LRRC61: variants seen among roughly 807,000 people sequenced by gnomAD.
The protein encoded by LRRC61 is leucine rich repeat containing 61.
In LRRC61, 9 loss-of-function variants were observed where a neutral mutation model predicts 15.1. The ratio of observed to expected loss-of-function variants is 0.60; its 90% CI spans 0.36 to 1.04. The LOEUF (loss-of-function observed/expected upper bound fraction) is 1.04. LRRC61 is among the 50% of genes least tolerant of loss of function. The probability of loss-of-function intolerance (pLI) is 0.01; values close to 1 mark genes in which losing one functional copy is unlikely to be tolerated. For missense variants in LRRC61, 344 were observed against 335.6 expected (o/e 1.03, Z -0.20); for synonymous variants, 173 against 158.6 (o/e 1.09, Z -0.68).
At chr7:150,319,204 TC>T (rs1284764074), upstream of LRRC61, among the ~76,000 whole-genome samples, 1 of 142,394 alleles carries the variant, frequency 7.0e-6, no homozygotes, top group Admixed American at 6.8e-5. Context: ...AATTGCTTCT[TC>T]TTTTTTTTTT....
chr7:150,328,458 A>G lies in LRRC61; in HGVS notation c.-145+2448A>G, dbSNP rs78965288. On this transcript the variant is annotated intron_variant, in intron 2 of 2. Coordinates refer to ENST00000359623, the MANE Select transcript of LRRC61 (RefSeq NM_001142928.2). ...AAACTAGGCCACCTAGCAGTCACCA[A>G]CTGCTACAAAGTCCAGACAGATACA... 5.1e-3 allele frequency among the ~76,000 whole-genome samples: 770 copies of G among 152,336 alleles called. 8 individuals are homozygous for G. The highest frequency in any genetic ancestry group is 0.018 in the African/African-American group (732 of 41,576).
chr7:150,334,461 C>T (rs946319469), intron 2 of LRRC61, among the ~76,000 whole-genome samples: 6 of 5,044 alleles, frequency 1.2e-3, no homozygotes, highest in Admixed American at 5.7e-3. Context: ...CCTGAAATAG[C>T]GGGTGGGTGG....
At chr7:150,323,241 G>C (rs1465300176), upstream of LRRC61, 2 of 240,280 alleles carry the variant, frequency 8.3e-6, no homozygotes, top group African/African-American at 4.8e-5. Flanking sequence ...CTGCGAGGCG[G>C]GGGGTGCGCG....
rs3800781 is a variant in LRRC61 at position 150,330,235 on chromosome 7, T to A, written c.-145+4225T>A. 154,886 of 608,892 alleles carry A rather than the reference T, an allele frequency of 0.25. 20,293 individuals carry two copies. Among genetic ancestry groups the A allele is most frequent in the East Asian group, 0.35 (12,669 of 36,304 alleles). The allele number at this position is 608,892 out of a possible 1,614,324, so 37.7% of individuals were successfully genotyped here. A position where few individuals can be genotyped will look rare whatever the true frequency, so the allele number is the denominator to read the frequency against. On this transcript the variant is annotated intron_variant, in intron 2 of 2. Transcript: ENST00000359623. This position sits in a 1 kb window ranked among gnomAD's most constrained non-coding sequence, Gnocchi z 4.6. ...CTAGCCCACCAGCCCTTTGAGGAGC[T>A]CTTGGACCACTGGGTCTCGGCCTAC...
At position 150,330,779 on chromosome 7, in the gene LRRC61, C is replaced by T; in HGVS notation, c.-145+4769C>T. On this transcript the variant is annotated intron_variant, in intron 2 of 2. Coordinates refer to ENST00000359623, the MANE Select transcript of LRRC61 (RefSeq NM_001142928.2). The surrounding 1 kb of genome is among the most constrained non-coding windows in gnomAD (Gnocchi z 4.6). ...TGAACTCCCCAAGTCCCCTGCAAAG[C>T]CCCAGGGGTCTGTGCGTGGACCCCA... 1 of 1,613,682 alleles carries T rather than the reference C, an allele frequency of 6.2e-7. No individual in the cohort carries two copies.
At chr7:150,334,141 T>C (rs1460636026) in intron 2 of LRRC61, 2 of 983,124 alleles carry the variant, frequency 2.0e-6, no homozygotes, top group East Asian at 1.1e-4. Context: ...CTTTGCTCTC[T>C]CCCTTTGCTG....
rs1451927367 is a variant in LRRC61, at chr7:150,333,671, G to C, written c.-144-3047G>C. ...ATCCTTGTCACCAGTCCTCTTTCCA[G>C]ACTCTGTTGCTGGGCCAGGAGGTCT... On this transcript the variant is annotated intron_variant, in intron 2 of 2. Transcript: ENST00000359623. The surrounding 1 kb of genome is among the most constrained non-coding windows in gnomAD (Gnocchi z 4.3). Among the ~76,000 whole-genome samples, 1 of 152,218 alleles carries C rather than the reference G, an allele frequency of 6.6e-6. No homozygotes were observed. Among genetic ancestry groups the C allele is most frequent in the Non-Finnish European group, 1.5e-5 (1 of 68,042 alleles).
At chr7:150,336,482 C>T (rs2129618462) in intron 2 of LRRC61, among the ~76,000 whole-genome samples, 1 of 152,348 alleles carries the variant, frequency 6.6e-6, no homozygotes, top group East Asian at 1.9e-4. Context: ...GGGCCTGAAT[C>T]CATCCAGCAT....
At position 150,336,906 on chromosome 7, in the gene LRRC61, G is replaced by C; in HGVS notation, c.45G>C (p.Gln15His). ...AGCCGGGAGAGGCTGGCGGACTGCA[G>C]ATCACACCCCAGCTGCTGAAGTCAC... is the stretch of plus-strand genomic sequence containing the variant. ...AEKPGEAGGLQITPQLLKSRT... is the reference protein window; with the variant it reads ...AEKPGEAGGLHITPQLLKSRT... The change falls in exon 3 of 3, where the codon CAG becomes CAC. Residue 15 changes from glutamine to histidine, a missense_variant. By Grantham distance (24) the Gln-to-His change is conservative (BLOSUM62 0). Transcript: ENST00000359623. The C allele has an allele frequency of 1.2e-6, 2 of 1,612,526 alleles. No homozygotes were observed. The highest frequency in any genetic ancestry group is 3.3e-5 in the Admixed American group (2 of 59,982).
chr7:150,310,276 C>T, the LRRC61 span, among the ~76,000 whole-genome samples: 3 of 152,148 alleles, frequency 2.0e-5, no homozygotes, highest in Non-Finnish European at 4.4e-5. Context: ...TCTCTGGCAA[C>T]CGACCATGCA....
In LRRC61 at chr7:150,338,000, A is replaced by G. The variant is rs1438062770; in HGVS notation, c.*359A>G. 9 of 412,160 alleles carry G rather than the reference A, an allele frequency of 2.2e-5. No homozygotes were observed. The highest frequency in any genetic ancestry group is 3.3e-5 in the Non-Finnish European group (7 of 214,936). 25.5% of individuals were successfully genotyped at this position (412,160 alleles called of 1,614,324 possible). A position where few individuals can be genotyped will look rare whatever the true frequency, so the allele number is the denominator to read the frequency against. On this transcript the variant is annotated 3_prime_UTR_variant, in exon 3 of 3. Coordinates refer to ENST00000359623, the MANE Select transcript of LRRC61 (RefSeq NM_001142928.2). ...CCCGTCTCAGCTGTTGGGAGACAGT[A>G]GGCAGGCTGAGTGGCCCAGAGCACT...
chr7:150,311,437 A>T, the LRRC61 span, among the ~76,000 whole-genome samples: 2 of 152,178 alleles, frequency 1.3e-5, no homozygotes, highest in Non-Finnish European at 2.9e-5. Flanking sequence ...CTTACCCTCT[A>T]CAGTTCTCAC....
chr7:150,310,146 G>A, the LRRC61 span, among the ~76,000 whole-genome samples: 3 of 152,050 alleles, frequency 2.0e-5, no homozygotes, highest in African/African-American at 7.2e-5. Context: ...TGCTTCCCTG[G>A]TTATTCCTGG....
rs1205272102 is a variant in LRRC61, at chr7:150,333,941, C to T, written c.-144-2777C>T. ...CAAGAGAATGAGGGTTATGCACGAC[C>T]CATCACCAAGACCCAGGCCTGCATC... On this transcript the variant is annotated intron_variant, in intron 2 of 2. Coordinates refer to ENST00000359623, the MANE Select transcript of LRRC61 (RefSeq NM_001142928.2). This position sits in a 1 kb window ranked among gnomAD's most constrained non-coding sequence, Gnocchi z 4.3. 1.0e-6 allele frequency: 1 copy of T among 985,156 alleles called. No homozygotes were observed. Among genetic ancestry groups the T allele is most frequent in the African/African-American group, 1.7e-5 (1 of 57,180 alleles). 61.0% of individuals were successfully genotyped at this position (985,156 alleles called of 1,614,324 possible). A position where few individuals can be genotyped will look rare whatever the true frequency, so the allele number is the denominator to read the frequency against.
upstream of LRRC61, among the ~76,000 whole-genome samples, chr7:150,319,698 C>T (rs1361308854): frequency 6.6e-6 from 1 of 152,222 alleles, no homozygotes; most frequent in African/African-American, 2.4e-5. Context: ...CCAGTCTTGA[C>T]AATTACTCTG....
chr7:150,316,490 T>G, the LRRC61 span, among the ~76,000 whole-genome samples: 18 of 139,570 alleles, frequency 1.3e-4, no homozygotes, highest in Non-Finnish European at 2.4e-4. Context: ...GTTATTTTTT[T>G]TTTTTTTTTT....
chr7:150,313,577 C>G, the LRRC61 span, among the ~76,000 whole-genome samples: 1 of 152,176 alleles, frequency 6.6e-6, no homozygotes, highest in Non-Finnish European at 1.5e-5. Context: ...TTCCTGAAAT[C>G]AAGAAGGGAG....
chr7:150,314,312 G>T, the LRRC61 span, among the ~76,000 whole-genome samples: 1 of 152,194 alleles, frequency 6.6e-6, no homozygotes, highest in Non-Finnish European at 1.5e-5. Context: ...AAGGATTCTT[G>T]AACTATTTAA....
In LRRC61 at chr7:150,337,414, C is replaced by CCAGGT. The variant is rs748525248; in HGVS notation, c.554_555insAGGTC (p.Ser186GlyfsTer142). 37 of 1,605,514 alleles carry CCAGGT rather than the reference C, an allele frequency of 2.3e-5. No individual in the cohort carries two copies. The highest frequency in any genetic ancestry group is 2.7e-5 in the African/African-American group (2 of 74,928). The stretch of plus-strand genomic sequence containing the variant: ...CCGAGACCTGGACAGCTCCTTGCGT[C>CCAGGT]CCAGCTCCAGTCCAGGCCCCAGAGC... On this transcript the variant is annotated frameshift_variant, in exon 3 of 3. Transcript: ENST00000359623. LOFTEE classifies it high-confidence loss of function.
Sources: allele counts gnomAD v4.1 joint callset (sites outside exome capture counted in the v4.1 genomes callset), GRCh38; gene constraint gnomAD v4.1.1; non-coding constraint Gnocchi (gnomAD v3.1); transcripts MANE v1.5; gene names NCBI Gene and HGNC (gene_info 2026-07-23, HGNC 2026-07-21).